Variants in NTRK2 observed in about 807,000 individuals in gnomAD.
NTRK2 encodes the protein neurotrophic receptor tyrosine kinase 2.
A neutral mutation model predicts 94.5 loss-of-function variants in NTRK2; 13 were observed. The observed-to-expected ratio is 0.14, with a 90% confidence interval of 0.09 to 0.22. The LOEUF is 0.22. NTRK2 is among the 10% of genes least tolerant of loss of function. The pLI, the probability that NTRK2 is intolerant of heterozygous loss-of-function variation, is 1.00. For synonymous variants in NTRK2, 372 were observed against 407.4 expected (o/e 0.91, Z 1.05); for missense variants, 639 against 1,071.2 (o/e 0.60, Z 5.63).
At chr9:84,758,748 G>T (rs57641915) in intron 12 of NTRK2, among the ~76,000 whole-genome samples, 2 of 152,072 alleles carry the variant, frequency 1.3e-5, no homozygotes, top group Admixed American at 1.3e-4. Context: ...TTTCAGAGAC[G>T]TATAGAATAA....
chr9:84,815,263 GAACCAAC>G, intron 12 of NTRK2: 1 of 1,054,364 alleles, frequency 9.5e-7, no homozygotes, highest in African/African-American at 1.7e-5. Context: ...AGAATGTGTT[GAACCAAC>G]CCCCACCCCT....
chr9:84,908,516 A>G (rs2077143136), intron 14 of NTRK2, among the ~76,000 whole-genome samples: 1 of 152,252 alleles, frequency 6.6e-6, no homozygotes, highest in African/African-American at 2.4e-5. Context: ...ACTTGATGAC[A>G]CATTTCTTTA....
At chr9:84,811,490 G>A in intron 12 of NTRK2, 10 of 1,065,554 alleles carry the variant, frequency 9.4e-6, no homozygotes, top group Non-Finnish European at 1.1e-5. Context: ...CTGCTTTTTA[G>A]AAGTCTGCCG....
chr9:84,778,584 A>G (rs1328478783), intron 12 of NTRK2, among the ~76,000 whole-genome samples: 1 of 152,162 alleles, frequency 6.6e-6, no homozygotes, highest in Non-Finnish European at 1.5e-5. Flanking sequence ...TCTTCAAGAG[A>G]CTTACCCTGG....
chr9:84,886,707 C>A (rs1256779068), intron 14 of NTRK2, among the ~76,000 whole-genome samples: 1 of 152,192 alleles, frequency 6.6e-6, no homozygotes, highest in Admixed American at 6.5e-5. Context: ...CTCCTGTTAC[C>A]TTTATGTCAA....
chr9:84,995,506 C>T (rs1829647949), intron 17 of NTRK2, among the ~76,000 whole-genome samples: 1 of 152,032 alleles, frequency 6.6e-6, no homozygotes, highest in Non-Finnish European at 1.5e-5. Context: ...TGAACTGAAT[C>T]CAAAACAGGG....
intron 15 of NTRK2, among the ~76,000 whole-genome samples, chr9:84,940,326 T>C (rs898960813): frequency 1.3e-5 from 2 of 152,154 alleles, no homozygotes; most frequent in African/African-American, 4.8e-5. Context: ...TCACTCAAGA[T>C]CTGAGGCAGC....
intron 12 of NTRK2, among the ~76,000 whole-genome samples, chr9:84,760,228 T>C (rs1439019203): frequency 6.6e-6 from 1 of 152,230 alleles, no homozygotes; most frequent in Non-Finnish European, 1.5e-5. Context: ...TCCTCTTTGG[T>C]AAATTGAGGG....
chr9:84,950,523 G>A (rs1464257680), intron 16 of NTRK2, among the ~76,000 whole-genome samples: 2 of 152,050 alleles, frequency 1.3e-5, no homozygotes, highest in South Asian at 2.1e-4. Context: ...ACCCCAGTTC[G>A]CTCAATCACC....
intron 4 of NTRK2, among the ~76,000 whole-genome samples, chr9:84,705,410 G>A (rs1466712900): frequency 1.3e-5 from 2 of 152,182 alleles, no homozygotes; most frequent in Non-Finnish European, 2.9e-5. Context: ...TAAGAGGATT[G>A]TTGATTTTTT....
intron 12 of NTRK2, among the ~76,000 whole-genome samples, chr9:84,829,144 G>A (rs993392590): frequency 3.9e-5 from 6 of 152,028 alleles, no homozygotes; most frequent in East Asian, 3.9e-4. Flanking sequence ...GATTACAGGC[G>A]GGTGCCACCA....
rs11395381 is a variant in NTRK2, at chr9:84,931,716, CA to C, written c.1634-2432del. 1.7e-3 allele frequency among the ~76,000 whole-genome samples: 167 copies of C among 100,292 alleles called. 1 individual carries two copies. The highest frequency in any genetic ancestry group is 2.9e-3 in the Admixed American group (27 of 9,454). The allele number at this position is 100,292 out of a possible 152,430, so 65.8% of individuals were successfully genotyped here. ...AAGAAAGAAGGTATGTAATAAAATG[CA>C]AAAAAAAAAAAAACAAAAAAAACCA... On this transcript the variant is annotated intron_variant, in intron 14 of 18. Transcript: ENST00000277120.
intron 14 of NTRK2, chr9:84,874,410 C>G: frequency 1.9e-6 from 2 of 1,065,618 alleles, no homozygotes; most frequent in Non-Finnish European, 2.3e-6. Context: ...TTTACTAATT[C>G]TGCCAGCCTG....
intron 12 of NTRK2, among the ~76,000 whole-genome samples, chr9:84,768,803 G>T (rs2066263969): frequency 6.6e-6 from 1 of 152,116 alleles, no homozygotes; most frequent in East Asian, 1.9e-4. Context: ...GAAGCAGGGT[G>T]GGTGGCAGTG....
chr9:84,951,484 G>A (rs980168926), intron 16 of NTRK2, among the ~76,000 whole-genome samples: 3 of 152,152 alleles, frequency 2.0e-5, no homozygotes, highest in African/African-American at 7.2e-5. Flanking sequence ...AAATACAAAT[G>A]TGCTCACCTG....
Position 85,021,233 on chromosome 9 carries a change from A to T in NTRK2, c.2332-19A>T, listed in dbSNP as rs371196726. 1 of 1,612,058 alleles carries T rather than the reference A, an allele frequency of 6.2e-7. No homozygotes were observed. ...ATTGCTTTTCCTCCTGTCTCATCCT[A>T]TCTTTGATCTCCATCCAGGTGATAG... On this transcript the variant is annotated intron_variant, in intron 18 of 18. Coordinates refer to ENST00000277120, the MANE Select transcript of NTRK2 (RefSeq NM_006180.6).
chr9:84,845,881 C>A (rs1229117536), intron 12 of NTRK2, among the ~76,000 whole-genome samples: 1 of 151,148 alleles, frequency 6.6e-6, no homozygotes, highest in Admixed American at 6.6e-5. Flanking sequence ...AAGAATTCAT[C>A]CATGTAACCA....
chr9:84,812,252 A>T, intron 12 of NTRK2: 1 of 1,056,466 alleles, frequency 9.5e-7, no homozygotes, highest in Non-Finnish European at 1.1e-6. Context: ...TTTATACTGC[A>T]TCCTTTACAT....
intron 2 of NTRK2, among the ~76,000 whole-genome samples, chr9:84,698,111 A>G (rs980978694): frequency 6.6e-6 from 1 of 152,012 alleles, no homozygotes; most frequent in African/African-American, 2.4e-5. Context: ...AATAACATAA[A>G]TGGTATAAAT....
Sources: gnomAD v4.1 joint callset for allele counts (sites outside exome capture counted in the v4.1 genomes callset) on GRCh38, gnomAD v4.1.1 for gene constraint, MANE v1.5 for transcripts, NCBI Gene and HGNC (gene_info 2026-07-23, HGNC 2026-07-21) for gene names.